Variants in NUP210 observed in about 807,000 individuals in gnomAD.
NUP210 encodes nuclear pore membrane glycoprotein 210.
Under a neutral mutation model 196.0 loss-of-function variants are expected in NUP210, and 151 were observed. The ratio of observed to expected loss-of-function variants is 0.77; its 90% CI spans 0.67 to 0.88. The LOEUF is 0.88. Among genes scored for constraint, NUP210 ranks in the 40% least tolerant of loss-of-function variants. NUP210 has a pLI of 0.00. For synonymous variants in NUP210, 1,070 were observed against 1,052.7 expected (o/e 1.02, Z -0.32); for missense variants, 2,314 against 2,493.7 (o/e 0.93, Z 1.53).
Position 13,319,963 on chromosome 3 carries a change from G to A in NUP210, c.5183C>T (p.Pro1728Leu), listed in dbSNP as rs774340427. 30 of 1,613,634 alleles carry A rather than the reference G, an allele frequency of 1.9e-5. No individual in the cohort carries two copies. The highest frequency in any genetic ancestry group is 6.6e-5 in the South Asian group (6 of 91,080). Residue 1728 changes from proline (P) to leucine (L), a missense_variant, in exon 37 of 40, where the codon CCG becomes CTG. Transcript: ENST00000254508. Reference sequence around the variant, plus strand: ...CTCCTTTGCGAATGCCAGCACGGCCGGGGACCCGGATTTCACCTGGAAGAG... The same window carrying A: ...CTCCTTTGCGAATGCCAGCACGGCCAGGGACCCGGATTTCACCTGGAAGAG... Reference protein sequence around the residue: ...LENLEVKSGSPAVLAFAKEKS... With the variant: ...LENLEVKSGSLAVLAFAKEKS...
intron 14 of NUP210, among the ~76,000 whole-genome samples, chr3:13,361,070 C>T (rs1389499983): frequency 2.0e-5 from 3 of 152,184 alleles, no homozygotes; most frequent in African/African-American, 7.2e-5. Flanking sequence ...ATAAAACCAT[C>T]CTAAAGAGAT....
At position 13,322,352 on chromosome 3, in the gene NUP210, G is replaced by A. The variant is rs751674044; in HGVS notation, c.4769-13C>T. 6.2e-7 allele frequency: 1 copy of A among 1,614,110 alleles called. No homozygotes were observed. Among genetic ancestry groups the A allele is most frequent in the East Asian group, 2.2e-5 (1 of 44,880 alleles). On this transcript the variant is annotated splice_polypyrimidine_tract_variant and intron_variant, in intron 34 of 39. Transcript: ENST00000254508. ...GGGGTGCACTCGCCTAGAGAGGGGA[G>A]AGACGAGAGGGTGTGGGCCAGGCCC...
rs778762163 is a variant in NUP210 at position 13,330,580 on chromosome 3, T to A, written c.3990A>T (p.Pro1330=). Residue 1330 remains proline, a synonymous_variant, in exon 30 of 40, where the codon CCA becomes CCT. Transcript: ENST00000254508. The part of the protein sequence containing the change: ...YRVLDGPEKV[P]VVHVDEKGFL... The stretch of plus-strand genomic sequence containing the variant: ...AGCCTTTCTCATCAACATGCACAAC[T>A]GGAACCTTTTCGGGTCCATCCAGGA... The A allele has an allele frequency of 1.2e-6, 2 of 1,614,218 alleles. No individual in the cohort carries two copies. The highest frequency in any genetic ancestry group is 1.7e-6 in the Non-Finnish European group (2 of 1,180,034).
chr3:13,332,249 C>G, intron 29 of NUP210, 44 bp downstream of exon 29: 1 of 1,519,560 alleles, frequency 6.6e-7, no homozygotes, highest in Non-Finnish European at 9.1e-7. Flanking sequence ...CGGATGCAAG[C>G]ACAGCCGCAC....
At chr3:13,342,171 C>G in intron 21 of NUP210, 48 bp from the exon 22 acceptor site, 1 of 1,609,896 alleles carries the variant, frequency 6.2e-7, no homozygotes. Context: ...AAAGACCAAT[C>G]CTACCATCTA....
chr3:13,383,521 T>TTTTTTTG, intron 6 of NUP210, among the ~76,000 whole-genome samples: 1 of 133,630 alleles, frequency 7.5e-6, no homozygotes, highest in Non-Finnish European at 1.6e-5. Flanking sequence ...GAGCTCTTTT[T>TTTTTTTG]TTTTTTTTTT....
chr3:13,328,409 T>C (rs1696863661), intron 31 of NUP210, among the ~76,000 whole-genome samples: 1 of 152,252 alleles, frequency 6.6e-6, no homozygotes, highest in Admixed American at 6.5e-5. Flanking sequence ...GCAACACCCC[T>C]GACACCTGTC....
rs77071884 is a variant in NUP210, at chr3:13,382,284, G to A, written c.818-2563C>T. ...ACAGGACTTAGCACTAAGGACTGGA[G>A]ATGGAGACCACGGCTCCCACTGGAA... On this transcript the variant is annotated intron_variant, in intron 6 of 39. Coordinates refer to ENST00000254508, the MANE Select transcript of NUP210 (RefSeq NM_024923.4). Among the ~76,000 whole-genome samples, 7 of 152,284 alleles carry A rather than the reference G, an allele frequency of 4.6e-5. No individual in the cohort carries two copies. In the East Asian group the frequency reaches 1.4e-3, roughly 29 times the overall value.
chr3:13,375,476 G>C (rs759703393), intron 11 of NUP210, 28 bp downstream of exon 11: 2 of 1,600,564 alleles, frequency 1.2e-6, no homozygotes, highest in Middle Eastern at 1.7e-4. Flanking sequence ...CCAAAGGAAT[G>C]CACGCAGAGG....
chr3:13,373,662 C>T (rs1009209855), intron 12 of NUP210, 56 bp downstream of exon 12: 10 of 1,577,888 alleles, frequency 6.3e-6, no homozygotes, highest in African/African-American at 4.0e-5. Context: ...TCAGAGGGGG[C>T]GGCTGGAGAC....
intron 14 of NUP210, among the ~76,000 whole-genome samples, chr3:13,365,366 G>C (rs992497891): frequency 6.6e-6 from 1 of 152,190 alleles, no homozygotes; most frequent in Admixed American, 6.5e-5. Context: ...GAGTGGGTGG[G>C]GGTCAGGCTG....
chr3:13,405,888 C>T (rs750205072), intron 1 of NUP210, among the ~76,000 whole-genome samples: 4 of 152,202 alleles, frequency 2.6e-5, no homozygotes, highest in Non-Finnish European at 4.4e-5. Flanking sequence ...ATGACACACC[C>T]ACCAGTTTAG....
chr3:13,337,927 C>G lies in NUP210; in HGVS notation c.3472-10G>C. ...CCACCTGCACGAGGTCCTGGGGAAA[C>G]AGGGTGGCACTTAGGTGTGGGGATG... On this transcript the variant is annotated splice_polypyrimidine_tract_variant and intron_variant, in intron 25 of 39. Transcript: ENST00000254508. 5.0e-6 allele frequency: 8 copies of G among 1,611,604 alleles called. No homozygotes were observed. The highest frequency in any genetic ancestry group is 1.7e-4 in the Middle Eastern group (1 of 6,056).
rs576104696 is a variant in NUP210, at chr3:13,399,799, G to T, written c.230C>A (p.Ser77Tyr). 1.2e-5 allele frequency: 19 copies of T among 1,613,852 alleles called. No homozygotes were observed. In the East Asian group the frequency reaches 4.2e-4, roughly 36 times the overall value. ...EPLGLDEQQC[S>Y]QKAVVQARLT... ...GCGGGCCTGCACCACTGCCTTCTGG[G>T]AGCACTGCTGCTCGTCCAGGCCCAG... Residue 77 changes from serine to tyrosine, a missense_variant, in exon 2 of 40, where the codon TCC becomes TAC. Transcript: ENST00000254508.
chr3:13,412,178 G>A (rs1329809172), intron 1 of NUP210, among the ~76,000 whole-genome samples: 2 of 151,492 alleles, frequency 1.3e-5, no homozygotes, highest in African/African-American at 4.9e-5. Flanking sequence ...CTCAGCCTCA[G>A]GAGTAGCTGG....
intron 36 of NUP210, 148 bp from the exon 37 acceptor site, chr3:13,320,127 C>G: frequency 1.3e-6 from 1 of 743,522 alleles, no homozygotes; most frequent in South Asian, 1.8e-5. Context: ...GGGCTTCCCT[C>G]CTGGGGCCCA....
Position 13,371,925 on chromosome 3 carries a change from G to C in NUP210, c.1695C>G (p.Gly565=). Residue 565 remains glycine, a synonymous_variant, in exon 13 of 40, where the codon GGC becomes GGG. Transcript: ENST00000254508. ...TCAAGGTGACCACCTCACTGGCCCC[G>C]CCGGGCATGAGGCCACTGATCCTCA... ...LPLRISGLMP[G]GASEVVTLSD... is the part of the protein sequence containing the mutation. The C allele has an allele frequency of 1.9e-6, 3 of 1,608,388 alleles. No homozygotes were observed. The African/African-American group carries it at 4.0e-5, about 21-fold the overall frequency.
intron 20 of NUP210, chr3:13,351,669 T>C (rs891742500): frequency 1.9e-5 from 10 of 514,668 alleles, no homozygotes; most frequent in Non-Finnish European, 2.7e-5. Flanking sequence ...GATTTTTCTT[T>C]TTTTTTTTGT....
chr3:13,335,011 C>T (rs1369021687), intron 28 of NUP210, among the ~76,000 whole-genome samples: 7 of 152,152 alleles, frequency 4.6e-5, no homozygotes, highest in South Asian at 2.1e-4. Context: ...GCCCCTGCCC[C>T]GCAGGCTTCA....
Sources: allele counts gnomAD v4.1 joint callset (sites outside exome capture counted in the v4.1 genomes callset), GRCh38; gene constraint gnomAD v4.1.1; transcripts MANE v1.5; gene names NCBI Gene and HGNC (gene_info 2026-07-23, HGNC 2026-07-21).